AFF3: variants seen among roughly 807,000 people sequenced by gnomAD.
AFF3 encodes the protein ALF transcription elongation factor 3.
Under a neutral mutation model 129.7 loss-of-function variants are expected in AFF3, and 32 were observed. The ratio of observed to expected loss-of-function variants is 0.25; its 90% CI spans 0.19 to 0.33. The LOEUF is 0.33. AFF3 is among the 10% of genes least tolerant of loss of function. The probability of loss-of-function intolerance (pLI) is 1.00; values close to 1 mark genes in which losing one functional copy is unlikely to be tolerated. For missense variants in AFF3, 1,373 were observed against 1,592.0 expected (o/e 0.86, Z 2.34); for synonymous variants, 644 against 635.4 (o/e 1.01, Z -0.20).
intron 4 of AFF3, among the ~76,000 whole-genome samples, chr2:100,049,747 T>C (rs1440431067): frequency 1.3e-5 from 2 of 152,240 alleles, no homozygotes; most frequent in Admixed American, 6.5e-5. Context: ...CTTTTCTATA[T>C]ACTTGAAATT....
chr2:100,089,108 C>A (rs1689675917), intron 4 of AFF3, among the ~76,000 whole-genome samples: 1 of 152,168 alleles, frequency 6.6e-6, no homozygotes, highest in African/African-American at 2.4e-5. Flanking sequence ...GCTCTGGGGG[C>A]TCCTGATAAG....
chr2:99,649,915 G>C (rs1012094078), intron 12 of AFF3, among the ~76,000 whole-genome samples: 6 of 152,202 alleles, frequency 3.9e-5, no homozygotes, highest in Non-Finnish European at 7.3e-5. Context: ...AGTTTGTCGG[G>C]GGGGCAAAGG....
chr2:99,553,146 A>G (rs957585376), intron 24 of AFF3, among the ~76,000 whole-genome samples: 1 of 152,102 alleles, frequency 6.6e-6, no homozygotes, highest in Admixed American at 6.5e-5. Context: ...CATGTTGGCC[A>G]GCCTGGTTTC....
At chr2:99,830,227 A>G (rs552604033) in intron 8 of AFF3, among the ~76,000 whole-genome samples, 1 of 152,158 alleles carries the variant, frequency 6.6e-6, no homozygotes. Context: ...AACATGGTAC[A>G]TGCATACCTA....
At chr2:99,905,107 G>C (rs2106164213) in intron 7 of AFF3, among the ~76,000 whole-genome samples, 1 of 152,080 alleles carries the variant, frequency 6.6e-6, no homozygotes, top group Middle Eastern at 3.4e-3. Context: ...CCCCAATGCT[G>C]AGACAGCCCA....
chr2:100,095,405 T>G (rs1005418527), intron 4 of AFF3, among the ~76,000 whole-genome samples: 1 of 152,156 alleles, frequency 6.6e-6, no homozygotes, highest in African/African-American at 2.4e-5. Context: ...GATCATATAA[T>G]GGACTATGAC....
intron 7 of AFF3, among the ~76,000 whole-genome samples, chr2:99,849,050 T>A (rs1412731464): frequency 6.6e-6 from 1 of 152,040 alleles, no homozygotes; most frequent in East Asian, 1.9e-4. Flanking sequence ...GGCTACTGCT[T>A]AGGTAAATGG....
chr2:100,016,698 G>A (rs1405982970), intron 4 of AFF3, among the ~76,000 whole-genome samples: 11 of 150,652 alleles, frequency 7.3e-5, no homozygotes, highest in African/African-American at 2.5e-4. Flanking sequence ...GGTGGTGGTG[G>A]CGGTAGTGGC....
At chr2:100,029,724 T>G (rs1684336844) in intron 4 of AFF3, among the ~76,000 whole-genome samples, 1 of 152,170 alleles carries the variant, frequency 6.6e-6, no homozygotes, top group Non-Finnish European at 1.5e-5. Flanking sequence ...GAAGAGAGAT[T>G]GGTTGCACAA....
At chr2:99,727,047 C>T in intron 11 of AFF3, 30 bp downstream of exon 11, 1 of 1,572,050 alleles carries the variant, frequency 6.4e-7, no homozygotes, top group Admixed American at 1.8e-5. Context: ...TAAGAACAGG[C>T]ATCTCTGATA....
chr2:99,557,753 A>G (rs948788880), intron 22 of AFF3, among the ~76,000 whole-genome samples: 1 of 152,160 alleles, frequency 6.6e-6, no homozygotes, highest in African/African-American at 2.4e-5. Flanking sequence ...GTTACTCTAC[A>G]TGCACAATTG....
chr2:99,819,314 T>C (rs1446091635), intron 8 of AFF3, among the ~76,000 whole-genome samples: 1 of 152,254 alleles, frequency 6.6e-6, no homozygotes, highest in Non-Finnish European at 1.5e-5. Flanking sequence ...AATTCTTTCC[T>C]ATAGCCAAGA....
chr2:100,030,436 G>A (rs1031344796), intron 4 of AFF3, among the ~76,000 whole-genome samples: 5 of 152,096 alleles, frequency 3.3e-5, no homozygotes, highest in Non-Finnish European at 5.9e-5. Context: ...TGGATATGGC[G>A]GCTTAGGAAG....
At chr2:99,717,361 A>G (rs970268568) in intron 11 of AFF3, among the ~76,000 whole-genome samples, 15 of 152,220 alleles carry the variant, frequency 9.9e-5, no homozygotes, top group Non-Finnish European at 2.1e-4. Flanking sequence ...GAGAGTTTAA[A>G]TTGCTCCATA....
intron 7 of AFF3, among the ~76,000 whole-genome samples, chr2:99,988,661 G>A (rs1576489544): frequency 2.6e-5 from 4 of 152,154 alleles, no homozygotes; most frequent in Admixed American, 1.3e-4. Context: ...ATTTGGTCTC[G>A]AGGGGGCTGA....
At chr2:100,005,760 T>C (rs1312385667) in intron 7 of AFF3, among the ~76,000 whole-genome samples, 1 of 152,228 alleles carries the variant, frequency 6.6e-6, no homozygotes, top group Non-Finnish European at 1.5e-5. Context: ...TCTGAGATGA[T>C]AGTTCAGAAA....
At chr2:100,105,433 C>G in intron 3 of AFF3, 71 bp downstream of exon 3, 1 of 1,319,430 alleles carries the variant, frequency 7.6e-7, no homozygotes, top group South Asian at 1.2e-5. Context: ...GGTTTGGCCT[C>G]CAGTGGTGGT....
rs115456964 is a variant in AFF3, at chr2:99,804,699, G to A, written c.921+32778C>T. On this transcript the variant is annotated intron_variant, in intron 8 of 24. Transcript: ENST00000672756. ...GAACCAATCTAAGTGCTCATCAACT[G>A]ATGAGTGGATAAAGAAAATGTGATA... Among the ~76,000 whole-genome samples, 652 of 152,274 alleles carry A rather than the reference G, an allele frequency of 4.3e-3. 3 individuals carry two copies. Among genetic ancestry groups the A allele is most frequent in the African/African-American group, 0.015 (620 of 41,548 alleles).
intron 4 of AFF3, among the ~76,000 whole-genome samples, chr2:100,098,187 T>C (rs955721760): frequency 6.7e-6 from 1 of 148,392 alleles, no homozygotes; most frequent in African/African-American, 2.5e-5. Flanking sequence ...GAAAGCAAGG[T>C]TGGGGCCAGC....
Sources: allele counts gnomAD v4.1 joint callset (sites outside exome capture counted in the v4.1 genomes callset), GRCh38; gene constraint gnomAD v4.1.1; transcripts MANE v1.5; gene names NCBI Gene and HGNC (gene_info 2026-07-23, HGNC 2026-07-21).